The following WLS variants were observed in gnomAD, a reference collection of about 807,000 sequenced individuals.
The protein encoded by WLS is Wnt ligand secretion mediator.
In WLS, 23 loss-of-function variants were observed where a neutral mutation model predicts 62.8. That is an observed-to-expected ratio of 0.37 (90% CI 0.26 to 0.52). The LOEUF (loss-of-function observed/expected upper bound fraction) is 0.52. Among genes scored for constraint, WLS ranks in the 20% least tolerant of loss-of-function variants. The pLI is 0.92. For missense variants in WLS, 615 were observed against 697.3 expected (o/e 0.88, Z 1.33); for synonymous variants, 246 against 244.1 (o/e 1.01, Z -0.07).
chr1:68,110,657 G>GTCTCTCTCTC (rs55965951), intron 11 of WLS, among the ~76,000 whole-genome samples: 2 of 113,970 alleles, frequency 1.8e-5, no homozygotes, highest in East Asian at 2.4e-4. Flanking sequence ...AAAAATCTCT[G>GTCTCTCTCTC]TCTCTCTCTC....
intron 2 of WLS, among the ~76,000 whole-genome samples, chr1:68,167,860 G>A (rs991341351): frequency 6.6e-6 from 1 of 152,096 alleles, no homozygotes; most frequent in African/African-American, 2.4e-5. Flanking sequence ...ATCCTGTTAT[G>A]GGGGCAGTTT....
chr1:68,231,718 G>A, intron 1 of WLS: 1 of 460,556 alleles, frequency 2.2e-6, no homozygotes. Flanking sequence ...AAGTATCTCA[G>A]CCTTGTAACA....
Position 68,194,095 on chromosome 1 carries a change from G to T in WLS, c.239C>A (p.Ala80Glu), listed in dbSNP as rs1452534553. The T allele has an allele frequency of 6.2e-7, 1 of 1,613,996 alleles. No homozygotes were observed. The highest frequency in any genetic ancestry group is 1.7e-5 in the Admixed American group (1 of 59,994). The change falls in exon 2 of 12, where the codon GCA (alanine) becomes GAA (glutamate). Residue 80 changes from alanine (A) to glutamate (E), a missense_variant. Physicochemically the swap from Ala to Glu is moderately radical, Grantham distance 107. Coordinates refer to ENST00000262348, the MANE Select transcript of WLS (RefSeq NM_024911.7). The stretch of plus-strand genomic sequence containing the variant: ...ATTGGCTTCAATTTCCCTTGGAATT[G>T]CCTCTTCAATGTCTCGGATCTTGTC... ...HCDKIRDIEE[A>E]IPREIEANDI...
chr1:68,105,319 TTAG>T (rs1646128822), intron 11 of WLS, among the ~76,000 whole-genome samples: 1 of 152,194 alleles, frequency 6.6e-6, no homozygotes, highest in Admixed American at 6.5e-5. Flanking sequence ...TTTGCATTGT[TTAG>T]TACTACTGGT....
chr1:68,230,654 G>T (rs996400048), intron 1 of WLS, among the ~76,000 whole-genome samples: 1 of 151,932 alleles, frequency 6.6e-6, no homozygotes, highest in Non-Finnish European at 1.5e-5. Flanking sequence ...GAAGCTGTTT[G>T]GCCCACACTG....
chr1:68,199,608 T>C (rs1268507346), intron 1 of WLS, among the ~76,000 whole-genome samples: 1 of 152,188 alleles, frequency 6.6e-6, no homozygotes, highest in Non-Finnish European at 1.5e-5. Context: ...AGTACTACTC[T>C]TATCTCTGTG....
At chr1:68,163,381 C>T (rs1325624690) in intron 2 of WLS, among the ~76,000 whole-genome samples, 1 of 151,814 alleles carries the variant, frequency 6.6e-6, no homozygotes, top group Non-Finnish European at 1.5e-5. Context: ...GGCGGTGGCT[C>T]CCGCCCCTCC....
intron 11 of WLS, among the ~76,000 whole-genome samples, chr1:68,137,114 C>A (rs1646621556): frequency 6.6e-6 from 1 of 152,188 alleles, no homozygotes; most frequent in Non-Finnish European, 1.5e-5. Context: ...TCTGCTGTGG[C>A]TAGTGAAGAA....
intron 11 of WLS, among the ~76,000 whole-genome samples, chr1:68,132,209 C>A (rs1646536793): frequency 6.6e-6 from 1 of 152,158 alleles, no homozygotes; most frequent in East Asian, 1.9e-4. Context: ...GCAGAAGACA[C>A]CTGATTACAA....
chr1:68,141,158 C>G (rs1646680370), intron 10 of WLS, among the ~76,000 whole-genome samples: 1 of 152,170 alleles, frequency 6.6e-6, no homozygotes, highest in African/African-American at 2.4e-5. Context: ...TCTTGACAAC[C>G]AACATTCCAC....
chr1:68,166,254 G>A (rs1647058399), intron 2 of WLS, among the ~76,000 whole-genome samples: 1 of 152,232 alleles, frequency 6.6e-6, no homozygotes, highest in South Asian at 2.1e-4. Flanking sequence ...CATTGAAATT[G>A]CCTTAAAATA....
intron 11 of WLS, among the ~76,000 whole-genome samples, chr1:68,110,657 G>C (rs12738528): frequency 0.071 from 8,071 of 113,940 alleles, 586 homozygotes; most frequent in African/African-American, 0.18. Context: ...AAAAATCTCT[G>C]TCTCTCTCTC....
chr1:68,121,789 A>T (rs1646366754), downstream of WLS, among the ~76,000 whole-genome samples: 2 of 152,108 alleles, frequency 1.3e-5, no homozygotes, highest in South Asian at 4.2e-4. Context: ...GCAGAGAGAG[A>T]TGGGGATTAG....
chr1:68,220,151 G>A (rs912399088), intron 1 of WLS, among the ~76,000 whole-genome samples: 1 of 152,148 alleles, frequency 6.6e-6, no homozygotes, highest in Non-Finnish European at 1.5e-5. Flanking sequence ...CTAATTTACC[G>A]AATATATGAA....
chr1:68,153,387 G>C, intron 5 of WLS, 130 bp downstream of exon 5: 1 of 1,247,994 alleles, frequency 8.0e-7, no homozygotes, highest in Non-Finnish European at 1.1e-6. Context: ...AGGAGTCCAG[G>C]ATGACTCCTG....
chr1:68,138,235 CTG>C (rs1289301022), intron 10 of WLS: 2 of 336,360 alleles, frequency 5.9e-6, no homozygotes, highest in East Asian at 5.9e-5. Context: ...GTTAAACAAA[CTG>C]TGTTTGAGCC....
intron 2 of WLS, among the ~76,000 whole-genome samples, chr1:68,187,189 C>CA (rs34130992): frequency 0.015 from 842 of 56,506 alleles, 14 homozygotes; most frequent in South Asian, 0.024. Flanking sequence ...ACTCCATCTC[C>CA]AAAAAAAAAA....
intron 1 of WLS, among the ~76,000 whole-genome samples, chr1:68,216,656 T>G (rs1327877451): frequency 2.0e-5 from 3 of 152,098 alleles, no homozygotes; most frequent in East Asian, 3.9e-4. Flanking sequence ...TAGACAATAA[T>G]GGGGGAGATG....
At chr1:68,098,543 G>T (rs1646036688) in exon 12 of WLS, 5 of 1,527,600 alleles carry the variant, frequency 3.3e-6, no homozygotes, top group Middle Eastern at 3.5e-4. Flanking sequence ...AAGGCTAAAT[G>T]AGTGTATTTG....
Sources: allele counts gnomAD v4.1 joint callset (sites outside exome capture counted in the v4.1 genomes callset), GRCh38; gene constraint gnomAD v4.1.1; transcripts MANE v1.5; gene names NCBI Gene and HGNC (gene_info 2026-07-23, HGNC 2026-07-21).